The following PDE1A variants were observed in gnomAD, a reference collection of about 807,000 sequenced individuals.
The protein encoded by PDE1A is phosphodiesterase 1A, also known as dual specificity calcium/calmodulin-dependent 3',5'-cyclic nucleotide phosphodiesterase 1A.
PDE1A carries 35 observed loss-of-function variants against 61.7 expected under a neutral mutation model. The observed-to-expected ratio is 0.57, with a 90% CI of 0.43 to 0.75. PDE1A has a LOEUF of 0.75. Among genes scored for constraint, PDE1A ranks in the 30% least tolerant of loss-of-function variants. The pLI is 0.00. For missense variants in PDE1A, 597 were observed against 630.6 expected (o/e 0.95, Z 0.57); for synonymous variants, 232 against 213.2 (o/e 1.09, Z -0.77).
intron 2 of PDE1A, among the ~76,000 whole-genome samples, chr2:182,517,517 G>A (rs1345201321): frequency 1.3e-5 from 2 of 152,170 alleles, no homozygotes; most frequent in African/African-American, 4.8e-5. Context: ...ACTGTGCTAT[G>A]TGCTGGAATC....
chr2:182,586,009 A>G, the PDE1A span, among the ~76,000 whole-genome samples: 1 of 152,178 alleles, frequency 6.6e-6, no homozygotes, highest in Non-Finnish European at 1.5e-5. Context: ...TACACAGATG[A>G]TATAGAATAA....
At chr2:182,664,056 G>A in the PDE1A span, among the ~76,000 whole-genome samples, 11 of 151,880 alleles carry the variant, frequency 7.2e-5, 1 homozygote, top group African/African-American at 2.4e-4. Context: ...AAGAATAATG[G>A]GCAAAAATTG....
At chr2:182,237,783 T>C (rs1305940823) in intron 3 of PDE1A, among the ~76,000 whole-genome samples, 3 of 152,118 alleles carry the variant, frequency 2.0e-5, no homozygotes, top group Admixed American at 6.6e-5. Context: ...GAACCACTTC[T>C]GACAGAGAAA....
the PDE1A span, among the ~76,000 whole-genome samples, chr2:182,605,617 T>C: frequency 3.3e-5 from 5 of 152,360 alleles, no homozygotes; most frequent in East Asian, 9.6e-4. Flanking sequence ...TCCACTATCC[T>C]GATGGCTACA....
At chr2:182,514,353 A>C (rs1224957329) in intron 2 of PDE1A, among the ~76,000 whole-genome samples, 2 of 152,234 alleles carry the variant, frequency 1.3e-5, no homozygotes, top group Non-Finnish European at 2.9e-5. Context: ...TTGAATCAAA[A>C]AAGAGCATGA....
chr2:182,218,962 TCAGTGAATGAA>T (rs1181284113), intron 7 of PDE1A, among the ~76,000 whole-genome samples: 1 of 152,154 alleles, frequency 6.6e-6, no homozygotes, highest in Non-Finnish European at 1.5e-5. Context: ...TCTTATTCAG[TCAGTGAATGAA>T]CAAACCCCTT....
At chr2:182,711,467 ATATGTGTGAG>A in the PDE1A span, among the ~76,000 whole-genome samples, 1 of 152,064 alleles carries the variant, frequency 6.6e-6, no homozygotes. Context: ...GTGGAGGTGT[ATATGTGTGAG>A]TATGTGTGTA....
upstream of PDE1A, among the ~76,000 whole-genome samples, chr2:182,431,126 A>T (rs1703927626): frequency 2.9e-5 from 3 of 105,114 alleles, no homozygotes; most frequent in South Asian, 9.6e-4. Context: ...AACATTAAAA[A>T]AAAAAAAAAA....
the PDE1A span, among the ~76,000 whole-genome samples, chr2:182,696,719 CAG>C: frequency 2.0e-5 from 3 of 152,000 alleles, no homozygotes; most frequent in Non-Finnish European, 4.4e-5. Context: ...TGTGTGGGGA[CAG>C]GGGGAATATG....
At chr2:182,450,817 T>A (rs1685459942) in intron 2 of PDE1A, among the ~76,000 whole-genome samples, 2 of 151,836 alleles carry the variant, frequency 1.3e-5, no homozygotes, top group South Asian at 4.1e-4. Context: ...TTTGCAAAAA[T>A]TAATGTATAC....
chr2:182,373,530 C>A (rs1700232100), intron 1 of PDE1A, among the ~76,000 whole-genome samples: 1 of 152,174 alleles, frequency 6.6e-6, no homozygotes, highest in African/African-American at 2.4e-5. Context: ...TCTAATAAAT[C>A]ATTGTTTTAA....
At chr2:182,647,478 T>C in the PDE1A span, among the ~76,000 whole-genome samples, 1 of 152,234 alleles carries the variant, frequency 6.6e-6, no homozygotes, top group East Asian at 1.9e-4. Flanking sequence ...TTTTATAATG[T>C]GCCAAGAGCC....
rs541794689 is a variant in PDE1A at position 182,293,494 on chromosome 2, A to G, written c.54-29080T>C. On this transcript the variant is annotated intron_variant, in intron 1 of 13. Coordinates refer to ENST00000351439, the Ensembl canonical transcript of PDE1A. Reference sequence around the variant, plus strand: ...TCATTTGCTAACACATATTTGAAGGAAAAAAAAACACCTATAGCCTTTAAT... The same window carrying G: ...TCATTTGCTAACACATATTTGAAGGGAAAAAAAACACCTATAGCCTTTAAT... Among the ~76,000 whole-genome samples the G allele has an allele frequency of 1.6e-3, 236 of 150,860 alleles. 7 individuals are homozygous for G. In the South Asian group the frequency reaches 0.049, roughly 31 times the overall value.
intron 4 of PDE1A, among the ~76,000 whole-genome samples, chr2:182,233,310 G>A (rs1439781845): frequency 1.3e-5 from 2 of 152,104 alleles, no homozygotes; most frequent in Non-Finnish European, 2.9e-5. Flanking sequence ...GGGTTGGATG[G>A]TTTTGGAATG....
At chr2:182,448,922 T>A (rs1685315036) in intron 2 of PDE1A, among the ~76,000 whole-genome samples, 1 of 151,978 alleles carries the variant, frequency 6.6e-6, no homozygotes, top group South Asian at 2.1e-4. Flanking sequence ...TAAAGCAATA[T>A]CCTTTTACTC....
chr2:182,430,731 G>A (rs1344023044), upstream of PDE1A, among the ~76,000 whole-genome samples: 18 of 136,390 alleles, frequency 1.3e-4, 1 homozygote, highest in African/African-American at 4.7e-4. Context: ...TGATAGACTG[G>A]ATTAAGAAAA....
chr2:182,478,378 T>C (rs1010096470), intron 2 of PDE1A, among the ~76,000 whole-genome samples: 1 of 151,840 alleles, frequency 6.6e-6, no homozygotes, highest in Non-Finnish European at 1.5e-5. Context: ...ATCATTCTCT[T>C]GGATTGGCAG....
At chr2:182,666,943 T>C in the PDE1A span, among the ~76,000 whole-genome samples, 2 of 152,194 alleles carry the variant, frequency 1.3e-5, no homozygotes, top group Admixed American at 6.5e-5. Flanking sequence ...TTTTTCCCAG[T>C]GCACAGTCCT....
At chr2:182,157,443 C>A (rs1180650538) in intron 13 of PDE1A, among the ~76,000 whole-genome samples, 1 of 152,136 alleles carries the variant, frequency 6.6e-6, no homozygotes. Context: ...CTGTTTCTAA[C>A]CTAGAGACTG....
Sources: gnomAD v4.1 joint callset for allele counts (sites outside exome capture counted in the v4.1 genomes callset) on GRCh38, gnomAD v4.1.1 for gene constraint, MANE v1.5 for transcripts, NCBI Gene and HGNC (gene_info 2026-07-23, HGNC 2026-07-21) for gene names.